Variants in CDIN1 observed in about 807,000 individuals in gnomAD.
CDIN1 encodes CDAN1-interacting nuclease 1.
Under a neutral mutation model 45.3 loss-of-function variants are expected in CDIN1, and 33 were observed. That is an observed-to-expected ratio of 0.73 (90% CI 0.55 to 0.97). The LOEUF (loss-of-function observed/expected upper bound fraction) is 0.97, where lower values mean the gene tolerates loss of function less well. Ranked by LOEUF, CDIN1 falls within the 50% of genes least tolerant of loss-of-function variation. CDIN1 has a pLI of 0.00. For synonymous variants in CDIN1, 118 were observed against 124.4 expected, an observed-to-expected ratio of 0.95 and a Z score of 0.34; for missense variants, 303 against 339.4, an observed-to-expected ratio of 0.89 and a Z score of 0.84.
rs369678347 is a variant in CDIN1 at position 36,676,323 on chromosome 15, T to A, written c.347-15362T>A. Among the ~76,000 whole-genome samples, 23 of 152,258 alleles carry A rather than the reference T, an allele frequency of 1.5e-4. 1 individual carries two copies. The highest frequency in any genetic ancestry group is 5.5e-4 in the African/African-American group (23 of 41,566). On this transcript the variant is annotated intron_variant, in intron 5 of 10. Coordinates refer to ENST00000566621, the MANE Select transcript of CDIN1 (RefSeq NM_001321759.2). ...CACTTTTGTGCCCCCTTTCCTTGAA[T>A]ACTTCCAATCCTGGGCAACATTTTT...
chr15:36,805,116 A>G (rs1275507531), intron 10 of CDIN1, among the ~76,000 whole-genome samples: 1 of 151,988 alleles, frequency 6.6e-6, no homozygotes, highest in African/African-American at 2.4e-5. Flanking sequence ...TAATTTGGTG[A>G]TATTTTATTT....
chr15:36,785,268 T>C (rs920479722), intron 10 of CDIN1, among the ~76,000 whole-genome samples: 8 of 152,178 alleles, frequency 5.3e-5, no homozygotes, highest in Non-Finnish European at 1.0e-4. Context: ...ATTACAAATT[T>C]AGTAAATTGC....
chr15:36,662,035 T>A (rs2041036345), intron 5 of CDIN1, among the ~76,000 whole-genome samples: 1 of 152,220 alleles, frequency 6.6e-6, no homozygotes, highest in Admixed American at 6.5e-5. Context: ...TGAGTCTGAA[T>A]ATAAGGCAGA....
At chr15:36,672,046 G>C (rs2041470864) in intron 5 of CDIN1, among the ~76,000 whole-genome samples, 1 of 152,054 alleles carries the variant, frequency 6.6e-6, no homozygotes, top group South Asian at 2.1e-4. Context: ...AATTAAAATA[G>C]AGTAGGCAGA....
At chr15:36,670,087 C>T (rs1157925262) in intron 5 of CDIN1, among the ~76,000 whole-genome samples, 2 of 151,896 alleles carry the variant, frequency 1.3e-5, no homozygotes, top group African/African-American at 2.4e-5. Context: ...AGTTTAGTCT[C>T]CTCTCCCTGT....
chr15:36,741,301 C>T (rs2044229527), intron 10 of CDIN1, among the ~76,000 whole-genome samples: 2 of 152,312 alleles, frequency 1.3e-5, no homozygotes, highest in South Asian at 2.1e-4. Flanking sequence ...GCCAAATAAT[C>T]AAACCCTGGT....
intron 10 of CDIN1, among the ~76,000 whole-genome samples, 169 bp from the exon 11 acceptor site, chr15:36,808,155 T>C (rs1461535398): frequency 6.6e-6 from 1 of 152,206 alleles, no homozygotes; most frequent in Non-Finnish European, 1.5e-5. Context: ...ATGTGTGTTA[T>C]GTGAACTCTT....
chr15:36,792,334 G>A (rs890399598), intron 10 of CDIN1, among the ~76,000 whole-genome samples: 1 of 152,020 alleles, frequency 6.6e-6, no homozygotes, highest in African/African-American at 2.4e-5. Context: ...ACTCACTCCT[G>A]GAAGTCCTTA....
intron 3 of CDIN1, among the ~76,000 whole-genome samples, chr15:36,652,991 G>A (rs984717248): frequency 3.3e-5 from 5 of 151,998 alleles, no homozygotes; most frequent in Admixed American, 3.3e-4. Context: ...TTTTTCATTT[G>A]TTAAAGGAAA....
chr15:36,613,956 A>T, intron 1 of CDIN1: 1 of 1,544,718 alleles, frequency 6.5e-7, no homozygotes, highest in African/African-American at 1.4e-5. Context: ...AGCAGATCAG[A>T]CTGATGGACC....
At chr15:36,753,425 T>C (rs1195668125) in intron 10 of CDIN1, among the ~76,000 whole-genome samples, 1 of 152,050 alleles carries the variant, frequency 6.6e-6, no homozygotes, top group Admixed American at 6.6e-5. Context: ...ATGTAGATGG[T>C]TTGCAGTTGC....
At chr15:36,653,249 G>T (rs2140447172) in intron 3 of CDIN1, among the ~76,000 whole-genome samples, 1 of 152,228 alleles carries the variant, frequency 6.6e-6, no homozygotes, top group Non-Finnish European at 1.5e-5. Flanking sequence ...ATCGAAGAAG[G>T]TGACATCTGA....
At chr15:36,609,686 ACTGGC>A (rs2038555808) in intron 1 of CDIN1, among the ~76,000 whole-genome samples, 1 of 152,210 alleles carries the variant, frequency 6.6e-6, no homozygotes, top group Non-Finnish European at 1.5e-5. Flanking sequence ...GCCAGAAGAT[ACTGGC>A]CTGGGGATCC....
chr15:36,687,739 G>A (rs972342467), intron 5 of CDIN1, among the ~76,000 whole-genome samples: 7 of 151,996 alleles, frequency 4.6e-5, no homozygotes, highest in African/African-American at 1.7e-4. Flanking sequence ...AGAAGATTTG[G>A]ATAATACCAT....
In CDIN1 at chr15:36,808,603, C is replaced by A; in HGVS notation, c.*150C>A. 1.9e-6 allele frequency: 2 copies of A among 1,056,410 alleles called. No individual in the cohort carries two copies. Among genetic ancestry groups the A allele is most frequent in the Non-Finnish European group, 2.7e-6 (2 of 742,506 alleles). 65.4% of individuals were successfully genotyped at this position (1,056,410 alleles called of 1,614,324 possible). A position where few individuals can be genotyped will look rare whatever the true frequency, so the allele number is the denominator to read the frequency against. On this transcript the variant is annotated 3_prime_UTR_variant, in exon 11 of 11. Transcript: ENST00000566621. The stretch of plus-strand genomic sequence containing the variant: ...TCACACCACTACCTCTTTAGACAAA[C>A]ATATCAAGAGTTTCTGTTTTCCTTC...
At chr15:36,789,206 C>T (rs2054583677) in intron 10 of CDIN1, among the ~76,000 whole-genome samples, 1 of 152,276 alleles carries the variant, frequency 6.6e-6, no homozygotes, top group East Asian at 1.9e-4. Flanking sequence ...CCATTCCCTG[C>T]ATGATTACTG....
Position 36,579,799 on chromosome 15 carries a change from G to T in CDIN1, c.-62G>T. 1 of 1,390,498 alleles carries T rather than the reference G, an allele frequency of 7.2e-7. No homozygotes were observed. The highest frequency in any genetic ancestry group is 1.4e-5 in the African/African-American group (1 of 70,106). 86.1% of individuals were successfully genotyped at this position (1,390,498 alleles called of 1,614,324 possible). ...CCTACCCCTCATCCCTCGGCACCAA[G>T]GCTACTTGAGCCCCAGGGTGTTTTT... On this transcript the variant is annotated 5_prime_UTR_variant, in exon 1 of 11. In the 5' UTR this introduces an upstream ATG that the reference lacks. Coordinates refer to ENST00000566621, the MANE Select transcript of CDIN1 (RefSeq NM_001321759.2).
intron 8 of CDIN1, chr15:36,707,409 C>T (rs1312768459): frequency 6.6e-6 from 1 of 152,126 alleles, no homozygotes; most frequent in Admixed American, 6.6e-5. Flanking sequence ...CCCAGCCACA[C>T]TTGATGTTTT....
chr15:36,770,823 A>G (rs1485086873), intron 10 of CDIN1, among the ~76,000 whole-genome samples: 1 of 152,166 alleles, frequency 6.6e-6, no homozygotes, highest in Non-Finnish European at 1.5e-5. Flanking sequence ...AGAATGTTCA[A>G]GTTACTAGAG....
Sources: allele counts gnomAD v4.1 joint callset (sites outside exome capture counted in the v4.1 genomes callset), GRCh38; gene constraint gnomAD v4.1.1; transcripts MANE v1.5; gene names NCBI Gene and HGNC (gene_info 2026-07-23, HGNC 2026-07-21).